Variants in CREB5 observed in about 807,000 individuals in gnomAD.
CREB5 encodes cAMP responsive element binding protein 5, also known as cyclic AMP-responsive element-binding protein 5.
In CREB5, 19 loss-of-function variants were observed where a neutral mutation model predicts 57.1. The ratio of observed to expected loss-of-function variants is 0.33; its 90% confidence interval spans 0.23 to 0.49. The LOEUF is 0.49. Among genes scored for constraint, CREB5 ranks in the 20% least tolerant of loss-of-function variants. The pLI is 0.99. For synonymous variants in CREB5, 238 were observed against 238.3 expected (o/e 1.00, Z 0.01); for missense variants, 579 against 671.6 (o/e 0.86, Z 1.52).
At chr7:28,330,176 T>G (rs945966995) in intron 1 of CREB5, among the ~76,000 whole-genome samples, 1 of 152,204 alleles carries the variant, frequency 6.6e-6, no homozygotes, top group African/African-American at 2.4e-5. Context: ...GATTCTCTCG[T>G]GTTGCATGTG....
At chr7:28,329,570 CTTCTTTCTT>C (rs1562659440) in intron 1 of CREB5, among the ~76,000 whole-genome samples, 1 of 152,194 alleles carries the variant, frequency 6.6e-6, no homozygotes. Flanking sequence ...AACTTTTCAA[CTTCTTTCTT>C]TTAAAAAATC....
At position 28,823,403 on chromosome 7, in the gene CREB5, G is replaced by A. The variant is rs1809891827; in HGVS notation, c.*4124G>A. On this transcript the variant is annotated 3_prime_UTR_variant, in exon 11 of 11. Coordinates refer to ENST00000357727, the MANE Select transcript of CREB5 (RefSeq NM_182898.4). ...GAACAGTATTCTGTAGGATCTACTT[G>A]TTTTTAAAGTGTTAGTCCATAATAA... 6.6e-6 allele frequency: 1 copy of A among 152,468 alleles called. No homozygotes were observed. Among genetic ancestry groups the A allele is most frequent in the Non-Finnish European group, 1.5e-5 (1 of 67,982 alleles). The allele number at this position is 152,468 out of a possible 1,614,324, so 9.4% of individuals were successfully genotyped here.
In CREB5 at chr7:28,614,988, A is replaced by G. The variant is rs553984446; in HGVS notation, c.464+44451A>G. The G allele has an allele frequency of 3.9e-5, 6 of 152,330 alleles. No individual in the cohort carries two copies. The East Asian group carries it at 1.2e-3, about 29-fold the overall frequency. 9.4% of individuals were successfully genotyped at this position (152,330 alleles called of 1,614,324 possible). A position where few individuals can be genotyped will look rare whatever the true frequency, so the allele number is the denominator to read the frequency against. On this transcript the variant is annotated intron_variant, in intron 5 of 10. Transcript: ENST00000357727. Reference sequence around the variant, plus strand: ...CTCCACCTAAAATATTACCCATACTATATTAATGTTCTGAAAACACCCTTC... The same window carrying G: ...CTCCACCTAAAATATTACCCATACTGTATTAATGTTCTGAAAACACCCTTC...
intron 1 of CREB5, among the ~76,000 whole-genome samples, chr7:28,333,595 G>A (rs1227087544): frequency 6.6e-6 from 1 of 151,942 alleles, no homozygotes; most frequent in African/African-American, 2.4e-5. Context: ...CTATCTCCAT[G>A]AGTTCAATTG....
At chr7:28,529,642 C>T (rs1270179656) in intron 4 of CREB5, among the ~76,000 whole-genome samples, 1 of 152,184 alleles carries the variant, frequency 6.6e-6, no homozygotes, top group African/African-American at 2.4e-5. Context: ...CTCTTCTTCC[C>T]AACCTGATTT....
At chr7:28,609,788 G>A (rs1001722310) in intron 5 of CREB5, among the ~76,000 whole-genome samples, 37 of 152,340 alleles carry the variant, frequency 2.4e-4, no homozygotes, top group East Asian at 1.7e-3. Flanking sequence ...GAGCACACTC[G>A]CCTGTGGTTG....
rs145180681 is a variant in CREB5 at position 28,301,129 on chromosome 7, C to G, written c.-25+1688C>G. On this transcript the variant is annotated intron_variant, in intron 1 of 9. Transcript: ENST00000396299. ...GTAGACAGATTTGAGAACCACCGCT[C>G]TAACAGAAAAGTTGCTCAAGCTTAC... Among the ~76,000 whole-genome samples the G allele has an allele frequency of 2.9e-3, 437 of 152,346 alleles. 2 individuals carry two copies. Among genetic ancestry groups the G allele is most frequent in the Non-Finnish European group, 4.6e-3 (313 of 68,038 alleles).
At chr7:28,560,887 CGTGTGTGTGCG>C (rs1795146037) in intron 4 of CREB5, among the ~76,000 whole-genome samples, 1 of 13,122 alleles carries the variant, frequency 7.6e-5, no homozygotes. Flanking sequence ...TGCGTGCGTG[CGTGTGTGTGCG>C]TGCGCGCGTG....
At chr7:28,464,705 A>ATT (rs56924951) in intron 1 of CREB5, among the ~76,000 whole-genome samples, 8 of 145,114 alleles carry the variant, frequency 5.5e-5, no homozygotes, top group African/African-American at 1.6e-4. Flanking sequence ...GTTTCAAGTT[A>ATT]TTTTTAAAAA....
rs533763410 is a variant in CREB5 at position 28,822,505 on chromosome 7, G to A, written c.*3226G>A. 1 of 152,754 alleles carries A rather than the reference G, an allele frequency of 6.5e-6. No homozygotes were observed. Among genetic ancestry groups the A allele is most frequent in the African/African-American group, 2.4e-5 (1 of 41,538 alleles). 9.5% of individuals were successfully genotyped at this position (152,754 alleles called of 1,614,324 possible). ...CATGAATCAATCATCACGGCCTGCA[G>A]AGCACCTGTCCTAAGGAGGGAAAAT... On this transcript the variant is annotated 3_prime_UTR_variant, in exon 11 of 11. Transcript: ENST00000357727.
chr7:28,459,749 TTGAC>T (rs1371474078), intron 1 of CREB5, among the ~76,000 whole-genome samples: 4 of 152,202 alleles, frequency 2.6e-5, no homozygotes, highest in African/African-American at 9.7e-5. Flanking sequence ...GGCCTCGTCT[TTGAC>T]TGGCTCTGTC....
chr7:28,544,041 A>G (rs1794317674), intron 4 of CREB5, among the ~76,000 whole-genome samples: 1 of 151,734 alleles, frequency 6.6e-6, no homozygotes, highest in Admixed American at 6.6e-5. Context: ...TTCCTACACC[A>G]TAACTGATGA....
intron 1 of CREB5, among the ~76,000 whole-genome samples, chr7:28,314,179 A>G (rs913648872): frequency 1.3e-5 from 2 of 152,200 alleles, no homozygotes; most frequent in African/African-American, 4.8e-5. Context: ...AGCTATGTGA[A>G]GAAAGATCAT....
intron 1 of CREB5, among the ~76,000 whole-genome samples, chr7:28,334,490 A>G (rs1057186767): frequency 6.6e-6 from 1 of 152,060 alleles, no homozygotes; most frequent in African/African-American, 2.4e-5. Flanking sequence ...TGCCATTTGT[A>G]TGTCTTCTTT....
intron 7 of CREB5, among the ~76,000 whole-genome samples, chr7:28,725,458 T>C (rs1253250921): frequency 6.6e-6 from 1 of 152,234 alleles, no homozygotes; most frequent in Non-Finnish European, 1.5e-5. Context: ...TTCTCTTTGC[T>C]GTGCCACAGT....
At chr7:28,524,456 C>T (rs912020638) in intron 4 of CREB5, among the ~76,000 whole-genome samples, 3 of 151,876 alleles carry the variant, frequency 2.0e-5, no homozygotes, top group African/African-American at 7.3e-5. Flanking sequence ...GAGCCGAGAT[C>T]GTGTCACTGC....
chr7:28,573,831 G>A (rs114719854), intron 5 of CREB5, among the ~76,000 whole-genome samples: 4 of 152,296 alleles, frequency 2.6e-5, no homozygotes, highest in African/African-American at 9.6e-5. Flanking sequence ...AGACCAAAAT[G>A]AGTGCAAATG....
intron 3 of CREB5, among the ~76,000 whole-genome samples, chr7:28,500,648 C>T (rs1792237264): frequency 6.6e-6 from 1 of 152,178 alleles, no homozygotes; most frequent in South Asian, 2.1e-4. Context: ...CCTCAAGAGG[C>T]TAATCATGAT....
At chr7:28,744,285 A>C (rs1227782192) in intron 7 of CREB5, among the ~76,000 whole-genome samples, 2 of 150,152 alleles carry the variant, frequency 1.3e-5, no homozygotes, top group Non-Finnish European at 3.0e-5. Context: ...TGAGGACACC[A>C]GTCATATTAG....
Sources: gnomAD v4.1 joint callset for allele counts (sites outside exome capture counted in the v4.1 genomes callset) on GRCh38, gnomAD v4.1.1 for gene constraint, MANE v1.5 for transcripts, NCBI Gene and HGNC (gene_info 2026-07-23, HGNC 2026-07-21) for gene names.